ARAP2: variants seen among roughly 807,000 people sequenced by gnomAD.
ARAP2 encodes arf-GAP with Rho-GAP domain, ANK repeat and PH domain-containing protein 2.
A neutral mutation model predicts 194.5 loss-of-function variants in ARAP2; 148 were observed. The ratio of observed to expected loss-of-function variants is 0.76; its 90% CI spans 0.67 to 0.87. ARAP2 has a LOEUF of 0.87. ARAP2 is among the 40% of genes least tolerant of loss of function. The pLI is 0.00. For missense variants in ARAP2, 2,128 were observed against 1,989.7 expected (o/e 1.07, Z -1.32); for synonymous variants, 695 against 683.5 (o/e 1.02, Z -0.26).
chr4:36,038,595 G>A (rs992363561), intron 5 of ARAP2, among the ~76,000 whole-genome samples: 3 of 152,170 alleles, frequency 2.0e-5, no homozygotes, highest in Admixed American at 6.6e-5. Flanking sequence ...GATGCAGAAG[G>A]CTTAATCTTT....
At chr4:36,192,158 C>A in intron 7 of ARAP2, among the ~76,000 whole-genome samples, 1 of 138,654 alleles carries the variant, frequency 7.2e-6, no homozygotes. Flanking sequence ...ACACCAAATC[C>A]AGTGTTTCTG....
intron 24 of ARAP2, 53 bp from the exon 25 acceptor site, chr4:36,117,188 A>G (rs940685963): frequency 5.2e-6 from 7 of 1,333,558 alleles, no homozygotes; most frequent in African/African-American, 1.5e-5. Flanking sequence ...GTAAAAACAC[A>G]TATTTGAAAC....
intron 20 of ARAP2, 128 bp from the exon 21 acceptor site, chr4:36,128,873 T>C (rs1379156236): frequency 2.7e-6 from 2 of 736,342 alleles, no homozygotes. Flanking sequence ...AGAGATGATA[T>C]AAACATGCAT....
intron 5 of ARAP2, among the ~76,000 whole-genome samples, chr4:36,039,660 C>A (rs905457204): frequency 6.6e-6 from 1 of 152,144 alleles, no homozygotes; most frequent in Non-Finnish European, 1.5e-5. Context: ...GAGCCCTTCC[C>A]ATTAAAACGA....
intron 1 of ARAP2, among the ~76,000 whole-genome samples, chr4:36,230,907 A>G (rs1751323186): frequency 6.6e-6 from 1 of 152,242 alleles, no homozygotes; most frequent in African/African-American, 2.4e-5. Context: ...TAAAAGGGAA[A>G]GAGTATATCT....
chr4:36,169,958 A>T (rs1228174389), intron 9 of ARAP2, among the ~76,000 whole-genome samples: 1 of 152,230 alleles, frequency 6.6e-6, no homozygotes. Flanking sequence ...CTTGAGAGCT[A>T]TCATATATGA....
At chr4:36,156,389 GAGAAAGAAAGAA>G (rs1190805215) in intron 15 of ARAP2, among the ~76,000 whole-genome samples, 176 of 12,574 alleles carry the variant, frequency 0.014, 9 homozygotes, top group Non-Finnish European at 0.015. Context: ...AAGAGAGAGA[GAGAAAGAAAGAA>G]AGAAAGAAAG....
At chr4:36,055,451 G>C (rs568688918) in intron 2 of ARAP2, among the ~76,000 whole-genome samples, 11 of 152,262 alleles carry the variant, frequency 7.2e-5, no homozygotes, top group Admixed American at 5.9e-4. Flanking sequence ...TTTCTAACTT[G>C]TTCTAAAATA....
chr4:36,094,458 C>G (rs928282142), intron 27 of ARAP2, among the ~76,000 whole-genome samples: 1 of 152,100 alleles, frequency 6.6e-6, no homozygotes, highest in Non-Finnish European at 1.5e-5. Context: ...CTCCTCTCCA[C>G]CAAGAACCTG....
At chr4:36,225,999 A>G (rs1750222201) in intron 2 of ARAP2, among the ~76,000 whole-genome samples, 1 of 152,196 alleles carries the variant, frequency 6.6e-6, no homozygotes, top group Non-Finnish European at 1.5e-5. Context: ...TATTTGCAAC[A>G]TAGGGAAGGA....
chr4:36,187,177 T>C (rs966409159), intron 8 of ARAP2, among the ~76,000 whole-genome samples: 4 of 152,290 alleles, frequency 2.6e-5, no homozygotes, highest in South Asian at 4.1e-4. Context: ...AAGCAGAGAA[T>C]TGTGTCTACT....
Position 36,128,575 on chromosome 4 carries a change from G to T in ARAP2, c.3598C>A (p.Leu1200Met). ...KSFLSDIDDA[L>M]LTKELYPYWI... ...TATGGGTAGAGCTCCTTAGTAAGCA[G>T]TGCATCATCAATGTCAGAGAGAAAA... The change falls in exon 21 of 33, where the codon CTG becomes ATG. Residue 1200 changes from leucine (L) to methionine (M), a missense_variant. Transcript: ENST00000303965. The T allele has an allele frequency of 2.5e-6, 4 of 1,612,812 alleles. No individual in the cohort carries two copies. The highest frequency in any genetic ancestry group is 3.4e-6 in the Non-Finnish European group (4 of 1,179,504).
chr4:36,167,445 TG>T (rs1735543622), intron 9 of ARAP2, among the ~76,000 whole-genome samples: 1 of 152,138 alleles, frequency 6.6e-6, no homozygotes, highest in Non-Finnish European at 1.5e-5. Context: ...TGTAAAAAGA[TG>T]GGAAAACTGA....
Position 36,148,473 on chromosome 4 carries a change from C to G in ARAP2, c.2932G>C (p.Glu978Gln), listed in dbSNP as rs758617625. 21 of 1,612,860 alleles carry G rather than the reference C, an allele frequency of 1.3e-5. No individual in the cohort carries two copies. Among genetic ancestry groups the G allele is most frequent in the Non-Finnish European group, 1.6e-5 (19 of 1,179,406 alleles). Residue 978 changes from glutamate (E) to glutamine (Q), a missense_variant, in exon 17 of 33, where the codon GAA becomes CAA. Transcript: ENST00000303965. ...TCAGCTCCAAATAAAAACACACGTTCGGAGGGTAAGTAGATCTCAAAGATA... is the reference window on the plus strand; with the variant it reads ...TCAGCTCCAAATAAAAACACACGTTGGGAGGGTAAGTAGATCTCAAAGATA... ...IFIFEIYLPSERVFLFGAETS... is the reference protein window; with the variant it reads ...IFIFEIYLPSQRVFLFGAETS...
chr4:36,133,707 AGGTTT>A (rs1340456070), intron 19 of ARAP2, among the ~76,000 whole-genome samples: 1 of 151,764 alleles, frequency 6.6e-6, no homozygotes, highest in Non-Finnish European at 1.5e-5. Flanking sequence ...ACGTTTTTTA[AGGTTT>A]TAGAATTGTC....
At chr4:36,147,769 G>C (rs1729996068) in intron 17 of ARAP2, 23 bp from the exon 18 acceptor site, 2 of 1,567,460 alleles carry the variant, frequency 1.3e-6, no homozygotes, top group Admixed American at 1.9e-5. Flanking sequence ...ATACAAAAAA[G>C]TAATAAAGAC....
chr4:36,083,811 G>T lies in ARAP2; in HGVS notation c.4426-361C>A, dbSNP rs183804046. On this transcript the variant is annotated intron_variant, in intron 28 of 32. Transcript: ENST00000303965. Reference sequence around the variant, plus strand: ...ATTAAATTGAAGGATGCAAGGTATTGTTCCTGGGTGTGTCTGTGAGTGTTG... The same window carrying T: ...ATTAAATTGAAGGATGCAAGGTATTTTTCCTGGGTGTGTCTGTGAGTGTTG... 1.3e-4 allele frequency among the ~76,000 whole-genome samples: 20 copies of T among 152,242 alleles called. No homozygotes were observed. In the East Asian group the frequency reaches 3.7e-3, roughly 28 times the overall value.
intron 3 of ARAP2, among the ~76,000 whole-genome samples, chr4:36,051,094 T>G (rs1722586318): frequency 6.6e-6 from 1 of 152,224 alleles, no homozygotes; most frequent in Non-Finnish European, 1.5e-5. Context: ...ATAAAATTCC[T>G]TTAGGGTTAA....
intron 27 of ARAP2, among the ~76,000 whole-genome samples, chr4:36,099,330 T>C (rs890170368): frequency 6.6e-6 from 1 of 152,256 alleles, no homozygotes; most frequent in East Asian, 1.9e-4. Context: ...TACTTCCATA[T>C]ATTTGCTATT....
Sources: gnomAD v4.1 joint callset for allele counts (sites outside exome capture counted in the v4.1 genomes callset) on GRCh38, gnomAD v4.1.1 for gene constraint, MANE v1.5 for transcripts, NCBI Gene and HGNC (gene_info 2026-07-23, HGNC 2026-07-21) for gene names.